The following PDGFRL variants were observed in gnomAD, a reference collection of about 807,000 sequenced individuals.
PDGFRL encodes the protein platelet-derived growth factor receptor-like protein.
A neutral mutation model predicts 37.2 loss-of-function variants in PDGFRL; 46 were observed. That is an observed-to-expected ratio of 1.24 (90% CI 0.98 to 1.58). The LOEUF (loss-of-function observed/expected upper bound fraction) is 1.58, where lower values mean the gene tolerates loss of function less well. Among genes scored for constraint, PDGFRL ranks in the 40% most tolerant of loss-of-function variants. PDGFRL has a pLI of 0.00. For missense variants in PDGFRL, 692 were observed against 467.6 expected, an observed-to-expected ratio of 1.48 and a Z score of -4.43; for synonymous variants, 251 against 184.3, an observed-to-expected ratio of 1.36 and a Z score of -2.93.
Position 17,634,226 on chromosome 8 carries a change from CCTGCATCTCAGCCCCTGCGTCTCAGCCT to C in PDGFRL, c.939+27_939+54del, listed in dbSNP as rs1563530438. On this transcript the variant is annotated intron_variant, in intron 5 of 5. Coordinates refer to ENST00000251630, the MANE Select transcript of PDGFRL (RefSeq NM_001372073.1). ...CCCAGGGCAGAAGGTAAGTGTTGTA[CCTGCATCTCAGCCCCTGCGTCTCAGCCT>C]CTGCATCTCAGCCAGCCATTTTAAT... 6 of 1,594,248 alleles carry C rather than the reference CCTGCATCTCAGCCCCTGCGTCTCAGCCT, an allele frequency of 3.8e-6. No individual in the cohort carries two copies. Among genetic ancestry groups the C allele is most frequent in the African/African-American group, 1.3e-5 (1 of 74,294 alleles).
At chr8:17,618,986 T>A (rs1048856789) in intron 2 of PDGFRL, among the ~76,000 whole-genome samples, 3 of 151,794 alleles carry the variant, frequency 2.0e-5, no homozygotes, top group African/African-American at 7.3e-5. Flanking sequence ...GGCGTGGGAG[T>A]ACAGAAGCAC....
chr8:17,602,336 G>T (rs918985086), intron 2 of PDGFRL, among the ~76,000 whole-genome samples: 1 of 152,168 alleles, frequency 6.6e-6, no homozygotes, highest in African/African-American at 2.4e-5. Flanking sequence ...GTGGCTGCAT[G>T]AGTCCCAGAA....
chr8:17,592,747 T>TG (rs1803966993), intron 2 of PDGFRL, among the ~76,000 whole-genome samples: 2 of 152,198 alleles, frequency 1.3e-5, no homozygotes, highest in African/African-American at 4.8e-5. Flanking sequence ...CCACAGCACT[T>TG]GCTGTTTCCT....
At chr8:17,604,318 A>T (rs955101795) in intron 2 of PDGFRL, among the ~76,000 whole-genome samples, 1 of 152,214 alleles carries the variant, frequency 6.6e-6, no homozygotes, top group Non-Finnish European at 1.5e-5. Flanking sequence ...CACAATAGCA[A>T]AGACTTGGAA....
At chr8:17,640,790 C>T (rs1188763237) in intron 5 of PDGFRL, among the ~76,000 whole-genome samples, 2 of 152,080 alleles carry the variant, frequency 1.3e-5, no homozygotes, top group African/African-American at 2.4e-5. Flanking sequence ...GCATTAGCTG[C>T]AGTAGTATAG....
intron 2 of PDGFRL, among the ~76,000 whole-genome samples, chr8:17,602,216 G>T (rs1205849332): frequency 6.6e-6 from 1 of 152,166 alleles, no homozygotes; most frequent in Non-Finnish European, 1.5e-5. Flanking sequence ...TGATTAGTAT[G>T]TTGGGCATAT....
chr8:17,577,616 C>T (rs895441436), intron 1 of PDGFRL, among the ~76,000 whole-genome samples: 9 of 151,660 alleles, frequency 5.9e-5, no homozygotes, highest in African/African-American at 2.2e-4. Context: ...GGTCCAGCCC[C>T]CAGTGTCAAC....
rs1336516181 is a variant in PDGFRL, at chr8:17,628,497, A to C, written c.516A>C (p.Glu172Asp). 7.4e-6 allele frequency: 12 copies of C among 1,613,230 alleles called. No homozygotes were observed. Among genetic ancestry groups the C allele is most frequent in the Non-Finnish European group, 1.0e-5 (12 of 1,179,334 alleles). Residue 172 changes from glutamate (E) to aspartate (D), a missense_variant, in exon 4 of 6, where the codon GAA (glutamate) becomes GAC (aspartate). Glu to Asp is a conservative substitution (Grantham distance 45). Transcript: ENST00000251630. The stretch of plus-strand genomic sequence containing the variant: ...TCCTTCCCTTTGCAGAGAAAGGAGA[A>C]CTCTTTGTACCTTCTCCCAGCTACT... ...STYIFFTEKGELFVPSPSYFD... is the reference protein window; with the variant it reads ...STYIFFTEKGDLFVPSPSYFD...
chr8:17,621,395 T>C (rs1804631443), intron 3 of PDGFRL, among the ~76,000 whole-genome samples, 193 bp downstream of exon 3: 1 of 149,484 alleles, frequency 6.7e-6, no homozygotes, highest in Admixed American at 6.6e-5. Flanking sequence ...CAAATACTAA[T>C]ATTATTCCTG....
chr8:17,587,465 G>C (rs933420346), intron 1 of PDGFRL, among the ~76,000 whole-genome samples: 2 of 152,078 alleles, frequency 1.3e-5, no homozygotes, highest in Non-Finnish European at 2.9e-5. Context: ...TTAATCCAGA[G>C]GTTCATTAAT....
chr8:17,624,148 G>C (rs1804689053), intron 3 of PDGFRL, among the ~76,000 whole-genome samples: 1 of 152,138 alleles, frequency 6.6e-6, no homozygotes, highest in Non-Finnish European at 1.5e-5. Context: ...GGATGGCTTT[G>C]AGAAACCAAG....
intron 1 of PDGFRL, among the ~76,000 whole-genome samples, chr8:17,587,433 A>C (rs1383867639): frequency 6.2e-4 from 95 of 152,186 alleles, no homozygotes; most frequent in Non-Finnish European, 1.5e-4. Context: ...GTTACATGAT[A>C]CACAGAATAC....
chr8:17,577,324 G>A lies in PDGFRL; in HGVS notation c.55+17G>A. The A allele has an allele frequency of 6.2e-7, 1 of 1,606,690 alleles. No individual in the cohort carries two copies. Among genetic ancestry groups the A allele is most frequent in the Non-Finnish European group, 8.5e-7 (1 of 1,175,090 alleles). On this transcript the variant is annotated intron_variant, in intron 1 of 5. Transcript: ENST00000251630. ...TGGAGGATGGTGAGTGACTCTGGGC[G>A]CGGGGCCACCTAGCTTGTGCCCTGA...
intron 2 of PDGFRL, among the ~76,000 whole-genome samples, chr8:17,590,113 C>A (rs2150813007): frequency 6.6e-6 from 1 of 151,202 alleles, no homozygotes; most frequent in Middle Eastern, 3.4e-3. Flanking sequence ...TGCCTGTAGT[C>A]CCAGCTACTC....
chr8:17,602,146 T>A (rs192885188), intron 2 of PDGFRL, among the ~76,000 whole-genome samples: 12 of 152,354 alleles, frequency 7.9e-5, no homozygotes, highest in African/African-American at 2.2e-4. Context: ...CTTTGGTTAC[T>A]AGCAGTTCTG....
rs1805004946 is a variant in PDGFRL, at chr8:17,637,927, T to C, written c.939+3714T>C. On this transcript the variant is annotated intron_variant, in intron 5 of 5. Transcript: ENST00000251630. Reference sequence around the variant, plus strand: ...ATTGGTTGTAATATCTTGTTTCATTTCTAACTGAAGCTTATTTGGATCTTC... The same window carrying C: ...ATTGGTTGTAATATCTTGTTTCATTCCTAACTGAAGCTTATTTGGATCTTC... Among the ~76,000 whole-genome samples, 5 of 2,630 alleles carry C rather than the reference T, an allele frequency of 1.9e-3. No individual in the cohort carries two copies. In the South Asian group the frequency reaches 0.42, roughly 219 times the overall value. The allele number at this position is 2,630 out of a possible 152,430, so 1.7% of individuals were successfully genotyped here.
At chr8:17,630,550 C>A (rs927911387) in intron 4 of PDGFRL, among the ~76,000 whole-genome samples, 1 of 152,182 alleles carries the variant, frequency 6.6e-6, no homozygotes, top group Admixed American at 6.5e-5. Context: ...TTCATCCAAG[C>A]CTGCTTTCTG....
At chr8:17,616,309 G>A (rs556636228) in intron 2 of PDGFRL, among the ~76,000 whole-genome samples, 47 of 151,980 alleles carry the variant, frequency 3.1e-4, no homozygotes, top group East Asian at 3.9e-4. Flanking sequence ...ATTGTCCTGC[G>A]TCAGCCTCCC....
chr8:17,633,945 C>T (rs1017243823), intron 4 of PDGFRL, 129 bp from the exon 5 acceptor site: 17 of 922,448 alleles, frequency 1.8e-5, no homozygotes, highest in African/African-American at 9.7e-5. Context: ...ACACTGTCCT[C>T]GCACTGGTCA....
Sources: gnomAD v4.1 joint callset for allele counts (sites outside exome capture counted in the v4.1 genomes callset) on GRCh38, gnomAD v4.1.1 for gene constraint, MANE v1.5 for transcripts, NCBI Gene and HGNC (gene_info 2026-07-23, HGNC 2026-07-21) for gene names.